Variants in IL1RAPL2 observed in about 807,000 individuals in gnomAD.
IL1RAPL2 encodes interleukin 1 receptor accessory protein like 2.
In IL1RAPL2, 3 loss-of-function variants were observed where a neutral mutation model predicts 44.1. The observed-to-expected ratio is 0.07, with a 90% confidence interval of 0.03 to 0.18. The LOEUF (loss-of-function observed/expected upper bound fraction) is 0.18, where lower values mean the gene tolerates loss of function less well. Ranked by LOEUF, IL1RAPL2 falls within the 10% of genes least tolerant of loss-of-function variation. The pLI, the probability that IL1RAPL2 is intolerant of heterozygous loss-of-function variation, is 1.00. For missense variants in IL1RAPL2, 391 were observed against 496.4 expected (o/e 0.79, Z 2.02); for synonymous variants, 181 against 178.8 (o/e 1.01, Z -0.10).
chrX:105,040,312 T>C (rs1280767232), intron 2 of IL1RAPL2, among the ~76,000 whole-genome samples: 1 of 111,744 alleles, frequency 8.9e-6, no homozygotes, highest in Non-Finnish European at 1.9e-5. Context: ...TTTGCATCAA[T>C]GTTCATGAAG....
intron 5 of IL1RAPL2, among the ~76,000 whole-genome samples, chrX:105,422,506 A>G (rs576047452): frequency 8.9e-6 from 1 of 112,409 alleles, no homozygotes. Context: ...ACAGATTGTT[A>G]TTTCACTTGT....
intron 2 of IL1RAPL2, among the ~76,000 whole-genome samples, chrX:105,078,896 G>A (rs913343037): frequency 3.6e-5 from 4 of 112,201 alleles, no homozygotes; most frequent in Non-Finnish European, 7.5e-5. Context: ...CAGTATTAGG[G>A]TGGGAGTGAC....
intron 6 of IL1RAPL2, among the ~76,000 whole-genome samples, chrX:105,545,510 G>T (rs2036787339): frequency 8.9e-6 from 1 of 112,009 alleles, no homozygotes; most frequent in South Asian, 3.7e-4. Flanking sequence ...GGAGAGGCAG[G>T]GGTTTTAAAA....
intron 2 of IL1RAPL2, among the ~76,000 whole-genome samples, chrX:105,150,605 A>G (rs2033218471): frequency 8.9e-6 from 1 of 112,084 alleles, no homozygotes; most frequent in Non-Finnish European, 1.9e-5. Context: ...AGGCTGCCTC[A>G]GCCTTAGGGG....
At chrX:104,617,330 G>C (rs928534440) in intron 1 of IL1RAPL2, among the ~76,000 whole-genome samples, 2 of 111,847 alleles carry the variant, frequency 1.8e-5, no homozygotes, top group East Asian at 5.6e-4. Flanking sequence ...GGATAGTCTG[G>C]TGACTGCATG....
chrX:104,742,719 A>C (rs1755501066), intron 2 of IL1RAPL2, among the ~76,000 whole-genome samples: 1 of 111,675 alleles, frequency 9.0e-6, no homozygotes, highest in Non-Finnish European at 1.9e-5. Context: ...CAGAAGGTGC[A>C]GCTGACATTT....
intron 2 of IL1RAPL2, among the ~76,000 whole-genome samples, chrX:104,967,649 G>C (rs888185694): frequency 9.0e-6 from 1 of 110,894 alleles, no homozygotes; most frequent in African/African-American, 3.3e-5. Flanking sequence ...CTTGGCAATA[G>C]TAGGACGTGT....
intron 1 of IL1RAPL2, among the ~76,000 whole-genome samples, chrX:104,569,690 C>T (rs1053424564): frequency 2.7e-5 from 3 of 112,713 alleles, no homozygotes; most frequent in African/African-American, 9.7e-5. Flanking sequence ...TTATCAAATA[C>T]ACTGGCTTCC....
intron 2 of IL1RAPL2, among the ~76,000 whole-genome samples, chrX:105,078,833 G>T (rs189483633): frequency 2.4e-3 from 273 of 112,829 alleles, no homozygotes; most frequent in East Asian, 3.1e-3. Flanking sequence ...CTCCAAGCCA[G>T]GTGCGGGATA....
chrX:105,708,066 A>T (rs2038179741), intron 6 of IL1RAPL2, among the ~76,000 whole-genome samples: 1 of 111,597 alleles, frequency 9.0e-6, no homozygotes, highest in Non-Finnish European at 1.9e-5. Flanking sequence ...TACTTCAGAA[A>T]ATCAATACTG....
intron 2 of IL1RAPL2, among the ~76,000 whole-genome samples, chrX:104,890,197 A>G (rs1398578778): frequency 8.9e-6 from 1 of 111,840 alleles, no homozygotes; most frequent in Non-Finnish European, 1.9e-5. Context: ...CCAGTCTATC[A>G]TTGTTGGACA....
intron 2 of IL1RAPL2, among the ~76,000 whole-genome samples, chrX:105,040,523 G>A (rs1361586637): frequency 9.1e-6 from 1 of 110,359 alleles, no homozygotes; most frequent in African/African-American, 3.4e-5. Flanking sequence ...GACTCCTTTT[G>A]GTTGGTAAGC....
chrX:105,387,321 A>G (rs7879874), intron 5 of IL1RAPL2, among the ~76,000 whole-genome samples: 13,597 of 103,183 alleles, frequency 0.13, 2,288 homozygotes, highest in African/African-American at 0.46. Context: ...TGCAACCTCC[A>G]CCTCCCTGGT....
At chrX:104,598,024 G>T (rs1005792680) in intron 1 of IL1RAPL2, among the ~76,000 whole-genome samples, 3 of 111,693 alleles carry the variant, frequency 2.7e-5, no homozygotes, top group Non-Finnish European at 3.8e-5. Context: ...TGTAGGATTG[G>T]GTATTATATT....
intron 2 of IL1RAPL2, among the ~76,000 whole-genome samples, chrX:105,059,442 G>A (rs1314512256): frequency 8.9e-6 from 1 of 112,234 alleles, no homozygotes; most frequent in Non-Finnish European, 1.9e-5. Context: ...CCATGTTGTT[G>A]CAAATGACAG....
At chrX:105,521,982 A>G (rs1336388905) in intron 6 of IL1RAPL2, among the ~76,000 whole-genome samples, 1 of 112,010 alleles carries the variant, frequency 8.9e-6, no homozygotes, top group African/African-American at 3.2e-5. Flanking sequence ...AATTCCATAT[A>G]TATTATTTTG....
intron 5 of IL1RAPL2, among the ~76,000 whole-genome samples, chrX:105,453,158 G>A (rs1291985674): frequency 2.7e-5 from 3 of 111,602 alleles, no homozygotes; most frequent in South Asian, 3.7e-4. Context: ...CCCACTCCCC[G>A]TATCTATTTT....
chrX:104,702,297 A>T (rs772457434), intron 2 of IL1RAPL2, among the ~76,000 whole-genome samples: 1 of 112,135 alleles, frequency 8.9e-6, no homozygotes, highest in African/African-American at 3.2e-5. Context: ...GAAGGTGAAC[A>T]GTAAATAATG....
Position 104,620,287 on chromosome X carries a change from C to G in IL1RAPL2, c.-19-38608C>G, listed in dbSNP as rs567351011. Among the ~76,000 whole-genome samples, 6 of 109,705 alleles carry G rather than the reference C, an allele frequency of 5.5e-5. No individual in the cohort carries two copies. In the South Asian group the frequency reaches 2.4e-3, roughly 44 times the overall value. ...CAGACACCCCCACTATAGAACTTCT[C>G]CATGTAACCAAAAACCACCTGTTCC... On this transcript the variant is annotated intron_variant, in intron 1 of 10. Coordinates refer to ENST00000372582, the MANE Select transcript of IL1RAPL2 (RefSeq NM_017416.2).
Sources: gnomAD v4.1 joint callset for allele counts (sites outside exome capture counted in the v4.1 genomes callset) on GRCh38, gnomAD v4.1.1 for gene constraint, MANE v1.5 for transcripts, NCBI Gene and HGNC (gene_info 2026-07-23, HGNC 2026-07-21) for gene names.